Variants in MZT2A observed in about 807,000 individuals in gnomAD.
MZT2A encodes mitotic spindle organizing protein 2A.
MZT2A carries 8 observed loss-of-function variants against 12.4 expected under a neutral mutation model. That is an observed-to-expected ratio of 0.64 (90% CI 0.38 to 1.16). The LOEUF is 1.16. Among genes scored for constraint, MZT2A ranks in the 50% most tolerant of loss-of-function variants. The pLI, the probability that MZT2A is intolerant of heterozygous loss-of-function variation, is 0.01. For missense variants in MZT2A, 181 were observed against 223.6 expected, an observed-to-expected ratio of 0.81 and a Z score of 1.22; for synonymous variants, 88 against 107.5, an observed-to-expected ratio of 0.82 and a Z score of 1.12.
At chr2:131,493,704 C>G (rs1021233545), upstream of MZT2A, among the ~76,000 whole-genome samples, 1 of 152,154 alleles carries the variant, frequency 6.6e-6, no homozygotes, top group African/African-American at 2.4e-5. Flanking sequence ...CAAACGGGTC[C>G]GAAGCAGCTC....
At chr2:131,480,930 G>A (rs1195532432), downstream of MZT2A, among the ~76,000 whole-genome samples, 3 of 150,830 alleles carry the variant, frequency 2.0e-5, no homozygotes, top group Admixed American at 1.3e-4. Flanking sequence ...TTTTGAGACA[G>A]TCTTGCTCTG....
chr2:131,493,349 C>T (rs1442497127), upstream of MZT2A, among the ~76,000 whole-genome samples: 1 of 152,208 alleles, frequency 6.6e-6, no homozygotes, highest in East Asian at 1.9e-4. Context: ...CCTTCCCGCG[C>T]CGCTCGTACA....
intron 2 of MZT2A, chr2:131,478,534 G>T (rs1372923519): frequency 2.8e-6 from 4 of 1,403,832 alleles, no homozygotes; most frequent in Non-Finnish European, 3.8e-6. Flanking sequence ...AAACTGAAAG[G>T]TTCGTGATCA....
chr2:131,493,461 C>T (rs544014961), upstream of MZT2A, among the ~76,000 whole-genome samples: 16 of 152,098 alleles, frequency 1.1e-4, no homozygotes, highest in Non-Finnish European at 2.2e-4. Context: ...GCTCAACAGG[C>T]GGTGTGGGAG....
chr2:131,492,259 GCTCCAT>G lies in MZT2A; in HGVS notation c.112_117del (p.Met38_Glu39del), dbSNP rs768597164. 4.4e-6 allele frequency: 7 copies of G among 1,584,672 alleles called. No homozygotes were observed. The African/African-American group carries it at 9.5e-5, about 21-fold the overall frequency. ...CCCGCCGCCTGAGCCAGCTCGTACA[GCTCCAT>G]CTCCTCGGTGCTCAGCACCTTCTTG... is the stretch of plus-strand genomic sequence containing the variant. On this transcript the variant is annotated inframe_deletion, in exon 1 of 3. Transcript: ENST00000309451.
At chr2:131,493,310 C>A (rs1447105988), upstream of MZT2A, among the ~76,000 whole-genome samples, 7 of 152,200 alleles carry the variant, frequency 4.6e-5, no homozygotes, top group African/African-American at 1.7e-4. Context: ...AGTCTTCCTG[C>A]CACTCCTCTG....
At chr2:131,472,915 C>T (rs549563927) in intron 2 of MZT2A, among the ~76,000 whole-genome samples, 63 of 151,274 alleles carry the variant, frequency 4.2e-4, no homozygotes, top group Non-Finnish European at 8.2e-4. Context: ...AATGGTGTCC[C>T]CCCCCACCAA....
intron 2 of MZT2A, among the ~76,000 whole-genome samples, chr2:131,474,525 T>A (rs1678589764): frequency 1.4e-5 from 2 of 147,678 alleles, no homozygotes; most frequent in South Asian, 4.5e-4. Flanking sequence ...TTATCCTACC[T>A]CAGCCTCCCA....
chr2:131,469,808 C>CCGCTTT (rs1390873773), intron 4 of MZT2A: 1 of 131,494 alleles, frequency 7.6e-6, no homozygotes, highest in South Asian at 2.2e-4. Flanking sequence ...TCCTCCCCCC[C>CCGCTTT]TTTTTTTTTT....
At chr2:131,482,819 G>A (rs1180622767), downstream of MZT2A, 7 of 1,614,076 alleles carry the variant, frequency 4.3e-6, no homozygotes, top group Admixed American at 8.3e-5. Flanking sequence ...TTCCGTGGAA[G>A]CTGAGGCTGA....
At chr2:131,483,482 G>C (rs1362905593), downstream of MZT2A, among the ~76,000 whole-genome samples, 3 of 152,070 alleles carry the variant, frequency 2.0e-5, no homozygotes, top group Non-Finnish European at 2.9e-5. Context: ...CAACTGTCTT[G>C]GTAGAAAACC....
intron 2 of MZT2A, 44 bp from the exon 3 acceptor site, chr2:131,484,262 A>G (rs774556995): frequency 1.3e-6 from 2 of 1,598,554 alleles, no homozygotes; most frequent in South Asian, 1.1e-5. Flanking sequence ...GACGCGCCCC[A>G]TAAATGCAGC....
chr2:131,476,120 G>C, intron 2 of MZT2A: 2 of 1,610,334 alleles, frequency 1.2e-6, no homozygotes, highest in Non-Finnish European at 1.7e-6. Context: ...ACAGGCAGGA[G>C]GTTGCAGTTG....
At chr2:131,488,894 A>G (rs1211988134) in intron 2 of MZT2A, among the ~76,000 whole-genome samples, 5 of 151,736 alleles carry the variant, frequency 3.3e-5, no homozygotes, top group Non-Finnish European at 1.5e-5. Context: ...CCTCGGGTAA[A>G]TTCTCTTGGA....
intron 2 of MZT2A, among the ~76,000 whole-genome samples, chr2:131,488,888 G>C (rs183947776): frequency 1.3e-5 from 2 of 152,052 alleles, no homozygotes; most frequent in South Asian, 2.1e-4. Flanking sequence ...TCCTGTCCTC[G>C]GGTAAATTCT....
At chr2:131,484,280 GTACT>G in intron 2 of MZT2A, 62 bp from the exon 3 acceptor site, 1 of 1,587,142 alleles carries the variant, frequency 6.3e-7, no homozygotes, top group Non-Finnish European at 8.6e-7. Context: ...AGCACCTGCT[GTACT>G]CGTGCTCCTT....
intron 2 of MZT2A, among the ~76,000 whole-genome samples, chr2:131,488,610 C>A (rs1679153017): frequency 6.6e-6 from 1 of 152,080 alleles, no homozygotes; most frequent in Non-Finnish European, 1.5e-5. Context: ...ATTACCAGGG[C>A]AGCTGGAGCT....
upstream of MZT2A, chr2:131,492,570 G>C: frequency 5.9e-6 from 7 of 1,179,066 alleles, no homozygotes; most frequent in Non-Finnish European, 7.3e-6. Context: ...TGTGCTGAGC[G>C]GCGCGCTAGG....
rs549229065 is a variant in MZT2A at position 131,489,113 on chromosome 2, G to C, written c.319+2763C>G. Among the ~76,000 whole-genome samples the C allele has an allele frequency of 2.6e-5, 4 of 152,280 alleles. No homozygotes were observed. In the East Asian group the frequency reaches 5.8e-4, roughly 22 times the overall value. On this transcript the variant is annotated intron_variant, in intron 2 of 2. Coordinates refer to ENST00000309451, the MANE Select transcript of MZT2A (RefSeq NM_001085365.2). ...GTGTGGGGCTCTGCTGACCCTTCCT[G>C]CTCCACCCTGTGTAACCCTTGCTGC... is the stretch of plus-strand genomic sequence containing the variant.
Sources: allele counts gnomAD v4.1 joint callset (sites outside exome capture counted in the v4.1 genomes callset), GRCh38; gene constraint gnomAD v4.1.1; transcripts MANE v1.5; gene names NCBI Gene and HGNC (gene_info 2026-07-23, HGNC 2026-07-21).